LHFPL3: variants seen among roughly 807,000 people sequenced by gnomAD.
The protein encoded by LHFPL3 is LHFPL tetraspan subfamily member 3.
In LHFPL3, 5 loss-of-function variants were observed where a neutral mutation model predicts 19.3. The observed-to-expected ratio is 0.26, with a 90% CI of 0.14 to 0.54. LHFPL3 has a LOEUF of 0.54. Among genes scored for constraint, LHFPL3 ranks in the 20% least tolerant of loss-of-function variants. LHFPL3 has a pLI of 0.94. For synonymous variants in LHFPL3, 133 were observed against 126.2 expected, an observed-to-expected ratio of 1.05 and a Z score of -0.36; for missense variants, 249 against 307.4, an observed-to-expected ratio of 0.81 and a Z score of 1.42.
chr7:104,715,092 A>C (rs879562947), intron 1 of LHFPL3, among the ~76,000 whole-genome samples: 3 of 152,192 alleles, frequency 2.0e-5, no homozygotes, highest in Admixed American at 2.0e-4. Context: ...GCTTGAGCCC[A>C]GAAGTTCAAG....
chr7:104,456,625 C>T (rs1792545739), intron 1 of LHFPL3, among the ~76,000 whole-genome samples: 1 of 152,232 alleles, frequency 6.6e-6, no homozygotes, highest in Non-Finnish European at 1.5e-5. Flanking sequence ...TTCACCTCTT[C>T]ACTTAAATGA....
intron 1 of LHFPL3, among the ~76,000 whole-genome samples, chr7:104,696,453 T>C (rs1046317318): frequency 2.7e-5 from 4 of 149,092 alleles, no homozygotes; most frequent in Non-Finnish European, 6.0e-5. Context: ...TAGGTGTGTG[T>C]GTGTGTGTGT....
chr7:104,883,980 T>C (rs1218278389), intron 2 of LHFPL3, among the ~76,000 whole-genome samples: 2 of 152,060 alleles, frequency 1.3e-5, no homozygotes, highest in African/African-American at 2.4e-5. Flanking sequence ...CAACACGTGG[T>C]TGGGGCGTGT....
intron 1 of LHFPL3, among the ~76,000 whole-genome samples, chr7:104,721,897 T>A (rs1488655640): frequency 6.6e-6 from 1 of 152,208 alleles, no homozygotes; most frequent in Admixed American, 6.5e-5. Context: ...ATTATTATGA[T>A]GTGTATTATT....
intron 1 of LHFPL3, among the ~76,000 whole-genome samples, chr7:104,528,028 G>A (rs1794223047): frequency 6.6e-6 from 1 of 152,104 alleles, no homozygotes; most frequent in African/African-American, 2.4e-5. Flanking sequence ...CTTGGAAATG[G>A]GTGTTCCAAA....
rs1228749657 is a variant in LHFPL3, at chr7:104,378,049, A to G, written c.445+48825A>G. On this transcript the variant is annotated intron_variant, in intron 1 of 2. Transcript: ENST00000424859. ...AAACAGCTCTCTTGAGGTAGAATTTATATACAAGAAAAGGCATCCAGTTCA... is the reference window on the plus strand; with the variant it reads ...AAACAGCTCTCTTGAGGTAGAATTTGTATACAAGAAAAGGCATCCAGTTCA... Among the ~76,000 whole-genome samples, 3 of 152,242 alleles carry G rather than the reference A, an allele frequency of 2.0e-5. No individual in the cohort carries two copies. The East Asian group carries it at 5.8e-4, about 29-fold the overall frequency.
chr7:104,328,703 AGT>A lies in LHFPL3; in HGVS notation c.-72_-71del. 6.1e-6 allele frequency: 8 copies of A among 1,305,724 alleles called. No homozygotes were observed. The South Asian group carries it at 6.7e-5, about 11-fold the overall frequency. 80.9% of individuals were successfully genotyped at this position (1,305,724 alleles called of 1,614,324 possible). A position where few individuals can be genotyped will look rare whatever the true frequency, so the allele number is the denominator to read the frequency against. On this transcript the variant is annotated 5_prime_UTR_variant, in exon 1 of 3. Coordinates refer to ENST00000424859, the MANE Select transcript of LHFPL3 (RefSeq NM_199000.3). The surrounding 1 kb of genome is among the most constrained non-coding windows in gnomAD (Gnocchi z 4.6). ...GAGTTGCAGCGCGCGAGGCTCCGTG[AGT>A]GTGTCTCCTGCGCGCTGAGAGGCGG...
intron 2 of LHFPL3, among the ~76,000 whole-genome samples, chr7:104,828,317 T>C (rs978637153): frequency 9.2e-5 from 14 of 151,786 alleles, no homozygotes; most frequent in Non-Finnish European, 4.4e-5. Context: ...CAACCTCAAA[T>C]TCCCCAGGCC....
intron 1 of LHFPL3, among the ~76,000 whole-genome samples, chr7:104,584,033 C>T (rs561781841): frequency 6.6e-6 from 1 of 151,986 alleles, no homozygotes; most frequent in Non-Finnish European, 1.5e-5. Flanking sequence ...GCATTATTCA[C>T]AATAGCAAAG....
At chr7:104,759,801 T>A (rs1199856277) in intron 2 of LHFPL3, 2 of 152,220 alleles carry the variant, frequency 1.3e-5, no homozygotes, top group African/African-American at 4.8e-5. Context: ...ACTCACATCA[T>A]CTGACTTTCC....
At chr7:104,691,427 T>C (rs899130314) in intron 1 of LHFPL3, among the ~76,000 whole-genome samples, 22 of 152,228 alleles carry the variant, frequency 1.4e-4, no homozygotes, top group African/African-American at 5.3e-4. Flanking sequence ...CTGCATGATA[T>C]GCAGGCACAA....
Position 104,383,388 on chromosome 7 carries a change from A to G in LHFPL3, c.445+54164A>G, listed in dbSNP as rs546627791. Among the ~76,000 whole-genome samples the G allele has an allele frequency of 5.9e-5, 9 of 152,300 alleles. 1 individual carries two copies. The South Asian group carries it at 1.9e-3, about 32-fold the overall frequency. On this transcript the variant is annotated intron_variant, in intron 1 of 2. Coordinates refer to ENST00000424859, the MANE Select transcript of LHFPL3 (RefSeq NM_199000.3). Reference sequence around the variant, plus strand: ...ACATAGGCTGACCTTGTTAATCATTAAACTTGATTTTTAACAAGCCACATA... The same window carrying G: ...ACATAGGCTGACCTTGTTAATCATTGAACTTGATTTTTAACAAGCCACATA...
chr7:104,379,246 C>G (rs533014567), intron 1 of LHFPL3, among the ~76,000 whole-genome samples: 1 of 152,172 alleles, frequency 6.6e-6, no homozygotes. Flanking sequence ...CGTTTCAGGA[C>G]GGAGTCAAAT....
chr7:104,702,494 T>C (rs989839998), intron 1 of LHFPL3, among the ~76,000 whole-genome samples: 11 of 152,168 alleles, frequency 7.2e-5, no homozygotes, highest in Admixed American at 5.9e-4. Context: ...ATAGGGCTTA[T>C]TAAGTGGATG....
chr7:104,549,803 C>T (rs572906807), intron 1 of LHFPL3, among the ~76,000 whole-genome samples: 19 of 152,136 alleles, frequency 1.2e-4, no homozygotes, highest in Admixed American at 2.6e-4. Context: ...GGGACAGAGC[C>T]CCTGTGCTCC....
At chr7:104,753,635 G>A (rs1794219940) in intron 2 of LHFPL3, among the ~76,000 whole-genome samples, 1 of 151,914 alleles carries the variant, frequency 6.6e-6, no homozygotes, top group Admixed American at 6.6e-5. Flanking sequence ...TGATAGATTG[G>A]GAGAAGCTAT....
In LHFPL3 at chr7:104,700,470, A is replaced by G. The variant is rs563957660; in HGVS notation, c.446-36205A>G. ...AGCATGAAGGGCTCTCTTCTTCCCT[A>G]GTGGGTAAGGAGTGCATGTGACTTC... is the stretch of plus-strand genomic sequence containing the variant. On this transcript the variant is annotated intron_variant, in intron 1 of 2. Coordinates refer to ENST00000424859, the MANE Select transcript of LHFPL3 (RefSeq NM_199000.3). Among the ~76,000 whole-genome samples the G allele has an allele frequency of 7.9e-5, 12 of 152,268 alleles. No individual in the cohort carries two copies. The East Asian group carries it at 1.9e-3, about 25-fold the overall frequency.
intron 1 of LHFPL3, among the ~76,000 whole-genome samples, chr7:104,505,004 A>ATTCTG (rs202196957): frequency 6.6e-6 from 1 of 152,106 alleles, no homozygotes; most frequent in African/African-American, 2.4e-5. Flanking sequence ...CATATATACT[A>ATTCTG]TATACATGCA....
chr7:104,335,967 G>A (rs894671059), intron 1 of LHFPL3, among the ~76,000 whole-genome samples: 3 of 152,070 alleles, frequency 2.0e-5, no homozygotes, highest in Non-Finnish European at 4.4e-5. Context: ...GGAGTAGAGA[G>A]AATTTTGGAT....
Sources: allele counts gnomAD v4.1 joint callset (sites outside exome capture counted in the v4.1 genomes callset), GRCh38; gene constraint gnomAD v4.1.1; non-coding constraint Gnocchi (gnomAD v3.1); transcripts MANE v1.5; gene names NCBI Gene and HGNC (gene_info 2026-07-23, HGNC 2026-07-21).